The following HIVEP3 variants were observed in gnomAD, a reference collection of about 807,000 sequenced individuals.
The protein encoded by HIVEP3 is transcription factor HIVEP3.
HIVEP3 carries 49 observed loss-of-function variants against 152.8 expected under a neutral mutation model. The observed-to-expected ratio is 0.32, with a 90% CI of 0.26 to 0.41. HIVEP3 has a LOEUF of 0.41. Ranked by LOEUF, HIVEP3 falls within the 10% of genes least tolerant of loss-of-function variation. HIVEP3 has a pLI of 1.00. For missense variants in HIVEP3, 2,790 were observed against 3,103.3 expected, an observed-to-expected ratio of 0.90 and a Z score of 2.40; for synonymous variants, 1,269 against 1,289.0, an observed-to-expected ratio of 0.98 and a Z score of 0.33.
intron 1 of HIVEP3, among the ~76,000 whole-genome samples, chr1:41,963,888 G>A (rs1395913794): frequency 1.3e-5 from 2 of 152,148 alleles, no homozygotes; most frequent in African/African-American, 4.8e-5. Context: ...AGATTCTGAC[G>A]TAATATGACT....
chr1:41,865,066 A>G (rs1258782320), intron 1 of HIVEP3, among the ~76,000 whole-genome samples: 5 of 152,200 alleles, frequency 3.3e-5, no homozygotes, highest in African/African-American at 1.2e-4. Context: ...CCATCATTGG[A>G]CTTGACCCCA....
intron 2 of HIVEP3, among the ~76,000 whole-genome samples, chr1:41,669,750 A>T (rs1266635528): frequency 6.6e-6 from 1 of 152,174 alleles, no homozygotes; most frequent in Non-Finnish European, 1.5e-5. Flanking sequence ...AGAAATACAC[A>T]TGGGCTCTCC....
rs540459792 is a variant in HIVEP3 at position 41,942,899 on chromosome 1, CTTTT to C, written n.120-24379_120-24376del. On this transcript the variant is annotated intron_variant and non_coding_transcript_variant, in intron 1 of 3. Coordinates refer to the HIVEP3 transcript ENST00000489103. ...ATATATACATATTTGTTTATATTTTCTTTTTTTTTTCTTTTTTTGAGACGGAGTT... is the reference window on the plus strand; with the variant it reads ...ATATATACATATTTGTTTATATTTTCTTTTTTCTTTTTTTGAGACGGAGTT... Among the ~76,000 whole-genome samples the C allele has an allele frequency of 4.7e-3, 697 of 148,760 alleles. 5 individuals are homozygous for C. The highest frequency in any genetic ancestry group is 0.01 in the Middle Eastern group (3 of 286).
intron 1 of HIVEP3, among the ~76,000 whole-genome samples, chr1:41,847,011 G>C (rs1557441632): frequency 6.6e-6 from 1 of 152,198 alleles, no homozygotes; most frequent in Non-Finnish European, 1.5e-5. Flanking sequence ...ACCCAAGTGT[G>C]GCTATATAAA....
At chr1:41,980,164 C>T (rs549885859) in intron 1 of HIVEP3, among the ~76,000 whole-genome samples, 9 of 152,108 alleles carry the variant, frequency 5.9e-5, no homozygotes, top group South Asian at 2.1e-4. Context: ...TTTCTTAAAA[C>T]GTTAAACATA....
chr1:41,812,397 G>T (rs1204075598), intron 1 of HIVEP3, among the ~76,000 whole-genome samples: 1 of 152,056 alleles, frequency 6.6e-6, no homozygotes, highest in East Asian at 1.9e-4. Context: ...TGACCATGTC[G>T]CTGCACTCCA....
At chr1:41,954,779 G>A (rs1010534486) in intron 1 of HIVEP3, among the ~76,000 whole-genome samples, 14 of 152,102 alleles carry the variant, frequency 9.2e-5, no homozygotes, top group African/African-American at 2.7e-4. Context: ...TTGCTTCATC[G>A]CTCTTAGTCC....
chr1:41,641,029 C>A (rs947459977), intron 2 of HIVEP3, among the ~76,000 whole-genome samples: 1 of 152,226 alleles, frequency 6.6e-6, no homozygotes, highest in African/African-American at 2.4e-5. Context: ...CAAAATGGTA[C>A]GGTTGGCTTC....
At chr1:41,527,746 C>G (rs534864646) in intron 5 of HIVEP3, among the ~76,000 whole-genome samples, 2 of 146,454 alleles carry the variant, frequency 1.4e-5, no homozygotes, top group East Asian at 4.2e-4. Flanking sequence ...ACCCTACACC[C>G]TCGCATTCAC....
chr1:41,956,185 T>C (rs780552059), intron 1 of HIVEP3, among the ~76,000 whole-genome samples: 9 of 152,238 alleles, frequency 5.9e-5, no homozygotes, highest in Non-Finnish European at 1.3e-4. Flanking sequence ...GACAGCATCA[T>C]ACTGGATTTT....
chr1:41,618,039 C>A (rs1644993870), intron 3 of HIVEP3, among the ~76,000 whole-genome samples: 1 of 152,162 alleles, frequency 6.6e-6, no homozygotes, highest in Admixed American at 6.5e-5. Flanking sequence ...TTCCTAGGAA[C>A]CATCTTACTA....
chr1:41,560,892 G>T (rs1248806592), intron 5 of HIVEP3, among the ~76,000 whole-genome samples: 1 of 152,174 alleles, frequency 6.6e-6, no homozygotes, highest in Non-Finnish European at 1.5e-5. Flanking sequence ...CCCAGCAGAT[G>T]CCTCACCTCA....
At chr1:41,690,640 C>T (rs547076799) in intron 2 of HIVEP3, among the ~76,000 whole-genome samples, 4 of 152,180 alleles carry the variant, frequency 2.6e-5, no homozygotes, top group South Asian at 4.2e-4. Context: ...GATTCTGGCC[C>T]GGCACGGTGG....
rs1644407584 is a variant in HIVEP3 at position 41,581,489 on chromosome 1, G to T, written c.3309C>A (p.Gly1103=). Reference sequence around the variant, plus strand: ...CCAATGGGGGCCTGTCCTGCCCTGGGCCCTTGCCTCCCGGGGGTCCACCAT... The same window carrying T: ...CCAATGGGGGCCTGTCCTGCCCTGGTCCCTTGCCTCCCGGGGGTCCACCAT... ...TSHGGPPGGK[G]PGQDRPPLGP... The change falls in exon 4 of 9, where the codon GGC becomes GGA. Residue 1103 remains glycine (G), a synonymous_variant. Coordinates refer to ENST00000372583, the MANE Select transcript of HIVEP3 (RefSeq NM_024503.5). The surrounding 1 kb of genome is among the most constrained non-coding windows in gnomAD (Gnocchi z 4.5). The T allele has an allele frequency of 6.3e-7, 1 of 1,575,000 alleles. No homozygotes were observed. Among genetic ancestry groups the T allele is most frequent in the Admixed American group, 1.8e-5 (1 of 55,732 alleles).
chr1:41,835,154 A>G (rs1003099467), intron 1 of HIVEP3, among the ~76,000 whole-genome samples: 2 of 152,244 alleles, frequency 1.3e-5, no homozygotes, highest in Non-Finnish European at 2.9e-5. Context: ...CCCTAAGTAC[A>G]TGGAGAGTAA....
At chr1:41,832,530 C>CA (rs1316787235) in intron 1 of HIVEP3, among the ~76,000 whole-genome samples, 1 of 151,762 alleles carries the variant, frequency 6.6e-6, no homozygotes, top group East Asian at 1.9e-4. Flanking sequence ...GACCCAGTCT[C>CA]AAAAAAACAA....
chr1:41,507,850 C>T lies in HIVEP3; in HGVS notation c.*2601G>A, dbSNP rs1644399298. 6.6e-6 allele frequency: 1 copy of T among 152,282 alleles called. No homozygotes were observed. The highest frequency in any genetic ancestry group is 1.5e-5 in the Non-Finnish European group (1 of 68,106). 9.4% of individuals were successfully genotyped at this position (152,282 alleles called of 1,614,324 possible). Reference sequence around the variant, plus strand: ...CAGTGACATATACCCAGGCTGGTGGCATTGGTTCTGTCCCTCTGGGCACGG... The same window carrying T: ...CAGTGACATATACCCAGGCTGGTGGTATTGGTTCTGTCCCTCTGGGCACGG... On this transcript the variant is annotated 3_prime_UTR_variant, in exon 9 of 9. Transcript: ENST00000372583.
intron 5 of HIVEP3, among the ~76,000 whole-genome samples, chr1:41,539,467 C>G (rs1309641842): frequency 6.6e-6 from 1 of 152,212 alleles, no homozygotes; most frequent in Non-Finnish European, 1.5e-5. Context: ...CCAGAATGGC[C>G]CAGAGCACAG....
chr1:41,632,150 A>G (rs1055795363), intron 2 of HIVEP3, among the ~76,000 whole-genome samples: 1 of 152,038 alleles, frequency 6.6e-6, no homozygotes. Flanking sequence ...ATTGCATACA[A>G]CTCAGGCAGG....
Sources: gnomAD v4.1 joint callset for allele counts (sites outside exome capture counted in the v4.1 genomes callset) on GRCh38, gnomAD v4.1.1 for gene constraint, Gnocchi (gnomAD v3.1) non-coding constraint, MANE v1.5 for transcripts, NCBI Gene and HGNC (gene_info 2026-07-23, HGNC 2026-07-21) for gene names.